Variants in BCAT1 observed in about 807,000 individuals in gnomAD.
BCAT1 encodes the protein branched chain amino acid transaminase 1.
BCAT1 carries 48 observed loss-of-function variants against 52.4 expected under a neutral mutation model. The ratio of observed to expected loss-of-function variants is 0.92; its 90% CI spans 0.73 to 1.16. The LOEUF (loss-of-function observed/expected upper bound fraction) is 1.16. BCAT1 is among the 50% of genes most tolerant of loss of function. The probability of loss-of-function intolerance (pLI) is 0.00; values close to 1 mark genes in which losing one functional copy is unlikely to be tolerated. For missense variants in BCAT1, 451 were observed against 457.1 expected (o/e 0.99, Z 0.12); for synonymous variants, 167 against 161.3 (o/e 1.04, Z -0.27).
At chr12:24,890,228 C>A (rs1197436196) in intron 3 of BCAT1, among the ~76,000 whole-genome samples, 1 of 152,128 alleles carries the variant, frequency 6.6e-6, no homozygotes, top group African/African-American at 2.4e-5. Context: ...GTGTCTGGGC[C>A]AGGTGAGGGT....
At chr12:24,926,344 C>A (rs1161399803) in intron 1 of BCAT1, among the ~76,000 whole-genome samples, 1 of 151,688 alleles carries the variant, frequency 6.6e-6, no homozygotes, top group Non-Finnish European at 1.5e-5. Context: ...TTGGGGGCAG[C>A]CCCCGCCTGG....
At chr12:24,905,679 T>C (rs1943213780) in intron 1 of BCAT1, among the ~76,000 whole-genome samples, 2 of 152,146 alleles carry the variant, frequency 1.3e-5, no homozygotes, top group Admixed American at 1.3e-4. Flanking sequence ...CCAGACATAG[T>C]AGTCACTGTA....
chr12:24,814,798 G>GTTTTTT lies in BCAT1; in HGVS notation c.*3209_*3210insAAAAAA, dbSNP rs201563173. The GTTTTTT allele has an allele frequency of 6.5e-5, 3 of 46,124 alleles. No homozygotes were observed. Among genetic ancestry groups the GTTTTTT allele is most frequent in the African/African-American group, 2.0e-4 (3 of 15,252 alleles). The allele number at this position is 46,124 out of a possible 1,614,324, so 2.9% of individuals were successfully genotyped here. The stretch of plus-strand genomic sequence containing the variant: ...CTTGCTACTGCCTGCCTCTGCCTCT[G>GTTTTTT]TTTGTTTTTTTTTTTTTTTTTTGTC... On this transcript the variant is annotated 3_prime_UTR_variant, in exon 11 of 11. Transcript: ENST00000261192.
At chr12:24,855,806 T>A (rs1462180107) in intron 5 of BCAT1, among the ~76,000 whole-genome samples, 4 of 152,106 alleles carry the variant, frequency 2.6e-5, no homozygotes, top group Admixed American at 2.6e-4. Flanking sequence ...TTTTTTATTT[T>A]TTTTAGAGAC....
In BCAT1 at chr12:24,811,296, T is replaced by G. The variant is rs559373846; in HGVS notation, c.*6712A>C. 1 of 152,194 alleles carries G rather than the reference T, an allele frequency of 6.6e-6. No homozygotes were observed. Among genetic ancestry groups the G allele is most frequent in the African/African-American group, 2.4e-5 (1 of 41,464 alleles). 9.4% of individuals were successfully genotyped at this position (152,194 alleles called of 1,614,324 possible). On this transcript the variant is annotated 3_prime_UTR_variant, in exon 11 of 11. Coordinates refer to ENST00000261192, the MANE Select transcript of BCAT1 (RefSeq NM_005504.7). ...CTTGACCAGAAACCTTGAGACATCA[T>G]AAAAATGTTAATTTAGCATTATTAC...
At chr12:24,943,092 C>T (rs1365454838) in intron 1 of BCAT1, among the ~76,000 whole-genome samples, 2 of 152,206 alleles carry the variant, frequency 1.3e-5, no homozygotes, top group African/African-American at 4.8e-5. Context: ...GTCTTCCATG[C>T]TATATGCACT....
chr12:24,821,423 C>G (rs1390185252), intron 10 of BCAT1, among the ~76,000 whole-genome samples: 1 of 152,074 alleles, frequency 6.6e-6, no homozygotes, highest in Non-Finnish European at 1.5e-5. Context: ...ACATGCTCCC[C>G]CTGATACTTA....
At chr12:24,867,329 G>GA (rs1942050430) in intron 5 of BCAT1, among the ~76,000 whole-genome samples, 1 of 139,682 alleles carries the variant, frequency 7.2e-6, no homozygotes, top group Non-Finnish European at 1.5e-5. Flanking sequence ...TTACAGACTC[G>GA]AAAATATCTT....
rs144733373 is a variant in BCAT1, at chr12:24,891,114, G to A, written c.279+3161C>T. 4.3e-4 allele frequency among the ~76,000 whole-genome samples: 66 copies of A among 152,286 alleles called. No homozygotes were observed. The East Asian group carries it at 0.01, about 24-fold the overall frequency. On this transcript the variant is annotated intron_variant, in intron 3 of 10. Transcript: ENST00000261192. The stretch of plus-strand genomic sequence containing the variant: ...TAGTTTTGAGGCTAGGGCGTAAACA[G>A]CAATAGAGCTTCCATCTGGGCTCAG...
intron 5 of BCAT1, among the ~76,000 whole-genome samples, chr12:24,857,075 G>A (rs1941710088): frequency 6.6e-6 from 1 of 152,188 alleles, no homozygotes; most frequent in Non-Finnish European, 1.5e-5. Flanking sequence ...AGACTGTGCA[G>A]TACTGCAGCT....
chr12:24,849,369 G>C (rs944964477), intron 6 of BCAT1, among the ~76,000 whole-genome samples: 1 of 152,202 alleles, frequency 6.6e-6, no homozygotes. Context: ...TGACTCCCTG[G>C]AGCCAACTGA....
chr12:24,892,475 T>C (rs1355129952), intron 3 of BCAT1, among the ~76,000 whole-genome samples: 1 of 152,172 alleles, frequency 6.6e-6, no homozygotes, highest in Non-Finnish European at 1.5e-5. Flanking sequence ...AATGAGAAAC[T>C]CTGGAGATGT....
chr12:24,902,364 G>T, intron 1 of BCAT1: 2 of 1,171,506 alleles, frequency 1.7e-6, no homozygotes, highest in Non-Finnish European at 2.1e-6. Flanking sequence ...CACCAGCAGG[G>T]TCCTCCGATG....
chr12:24,909,524 C>T (rs1221533972), intron 1 of BCAT1, among the ~76,000 whole-genome samples: 2 of 152,200 alleles, frequency 1.3e-5, no homozygotes, highest in Non-Finnish European at 1.5e-5. Flanking sequence ...GTGATTGTCT[C>T]ATAGTTCCAG....
At chr12:24,827,533 T>C (rs1033500700) in intron 10 of BCAT1, among the ~76,000 whole-genome samples, 1 of 152,238 alleles carries the variant, frequency 6.6e-6, no homozygotes. Flanking sequence ...GGCTCATGCC[T>C]GTAATCTCAG....
At chr12:24,819,955 C>A (rs1337490298) in intron 10 of BCAT1, among the ~76,000 whole-genome samples, 1 of 152,068 alleles carries the variant, frequency 6.6e-6, no homozygotes, top group Non-Finnish European at 1.5e-5. Context: ...AAGGTAAGGG[C>A]AAAATATGTG....
chr12:24,894,583 A>G (rs60686976), intron 2 of BCAT1, 108 bp from the exon 3 acceptor site: 129,280 of 939,498 alleles, frequency 0.14, 9,156 homozygotes, highest in Middle Eastern at 0.19. Context: ...TTTAAAGGTT[A>G]GCAGCTAACA....
chr12:24,816,446 A>G lies in BCAT1; in HGVS notation c.*1562T>C, dbSNP rs1420929360. 2.5e-6 allele frequency: 1 copy of G among 397,780 alleles called. No individual in the cohort carries two copies. The highest frequency in any genetic ancestry group is 3.6e-5 in the East Asian group (1 of 28,048). The allele number at this position is 397,780 out of a possible 1,614,324, so 24.6% of individuals were successfully genotyped here. A position where few individuals can be genotyped will look rare whatever the true frequency, so the allele number is the denominator to read the frequency against. ...ATAAACCACAAAGGATACAATTTTA[A>G]CTCACAGCTCCTAAACAAGGAAAAT... On this transcript the variant is annotated 3_prime_UTR_variant, in exon 11 of 11. Transcript: ENST00000261192.
At chr12:24,845,922 A>T (rs960327948) in intron 6 of BCAT1, among the ~76,000 whole-genome samples, 5 of 152,170 alleles carry the variant, frequency 3.3e-5, no homozygotes, top group Admixed American at 1.3e-4. Context: ...ATTTTATTTG[A>T]ATTTTTTCTC....
Sources: allele counts gnomAD v4.1 joint callset (sites outside exome capture counted in the v4.1 genomes callset), GRCh38; gene constraint gnomAD v4.1.1; transcripts MANE v1.5; gene names NCBI Gene and HGNC (gene_info 2026-07-23, HGNC 2026-07-21).